The following GRIK4 variants were observed in gnomAD, a reference collection of about 807,000 sequenced individuals.
The protein encoded by GRIK4 is glutamate ionotropic receptor kainate type subunit 4.
GRIK4 carries 40 observed loss-of-function variants against 104.9 expected under a neutral mutation model. The ratio of observed to expected loss-of-function variants is 0.38; its 90% confidence interval spans 0.30 to 0.50. The LOEUF is 0.50. GRIK4 is among the 20% of genes least tolerant of loss of function. The pLI is 0.93. For missense variants in GRIK4, 1,047 were observed against 1,308.1 expected (o/e 0.80, Z 3.08); for synonymous variants, 485 against 524.9 (o/e 0.92, Z 1.04).
At chr11:120,857,521 CA>C in intron 8 of GRIK4, among the ~76,000 whole-genome samples, 1 of 152,072 alleles carries the variant, frequency 6.6e-6, no homozygotes, top group African/African-American at 2.4e-5. Context: ...CACACACACA[CA>C]CACACACACT....
At chr11:120,908,863 C>T (rs1942930916) in intron 13 of GRIK4, among the ~76,000 whole-genome samples, 2 of 152,232 alleles carry the variant, frequency 1.3e-5, no homozygotes, top group African/African-American at 4.8e-5. Flanking sequence ...GAAGTTGGTT[C>T]CCAAGACACT....
chr11:120,520,955 A>G (rs1296319111), intron 1 of GRIK4, among the ~76,000 whole-genome samples: 2 of 152,208 alleles, frequency 1.3e-5, no homozygotes, highest in Non-Finnish European at 2.9e-5. Context: ...GAATTAAAGA[A>G]GACAAAAGTG....
chr11:120,940,808 C>T lies in GRIK4; in HGVS notation c.1590+348C>T, dbSNP rs965698647. ...AAGTCACCCTAGCATTTCTCAAGCACGTTGCCAACTTCCAAGTCTGTGTTC... is the reference window on the plus strand; with the variant it reads ...AAGTCACCCTAGCATTTCTCAAGCATGTTGCCAACTTCCAAGTCTGTGTTC... On this transcript the variant is annotated intron_variant, in intron 14 of 20. Coordinates refer to ENST00000527524, the MANE Select transcript of GRIK4 (RefSeq NM_014619.5). The surrounding 1 kb of genome is among the most constrained non-coding windows in gnomAD (Gnocchi z 4.3). Among the ~76,000 whole-genome samples, 3 of 152,204 alleles carry T rather than the reference C, an allele frequency of 2.0e-5. No individual in the cohort carries two copies. The highest frequency in any genetic ancestry group is 7.2e-5 in the African/African-American group (3 of 41,460).
chr11:120,550,236 AGGTTGCTGCTGCCGCAGGGCT>A (rs1222137038), intron 1 of GRIK4, among the ~76,000 whole-genome samples: 5 of 150,562 alleles, frequency 3.3e-5, no homozygotes, highest in Non-Finnish European at 7.4e-5. Flanking sequence ...TTGGCATCCC[AGGTTGCTGCTGCCGCAGGGCT>A]GAAAGGAAGA....
intron 1 of GRIK4, among the ~76,000 whole-genome samples, chr11:120,571,095 T>C (rs1167078410): frequency 6.6e-6 from 1 of 152,234 alleles, no homozygotes; most frequent in Non-Finnish European, 1.5e-5. Context: ...ATGTCTGGAC[T>C]GCTTGCCTTG....
At chr11:120,861,430 C>A (rs528039141) in intron 8 of GRIK4, among the ~76,000 whole-genome samples, 1 of 152,008 alleles carries the variant, frequency 6.6e-6, no homozygotes, top group Non-Finnish European at 1.5e-5. Context: ...AAAAAGGAAC[C>A]TGGATGATGC....
chr11:120,832,711 C>T (rs1178437747), intron 7 of GRIK4, among the ~76,000 whole-genome samples: 1 of 152,200 alleles, frequency 6.6e-6, no homozygotes, highest in Non-Finnish European at 1.5e-5. Flanking sequence ...GTGCCAGCCC[C>T]TGAGTCAGAA....
intron 11 of GRIK4, among the ~76,000 whole-genome samples, chr11:120,891,151 G>C (rs772415340): frequency 6.6e-6 from 1 of 152,210 alleles, no homozygotes; most frequent in East Asian, 1.9e-4. Flanking sequence ...CCCCCTCAGC[G>C]GCAGGGCGTG....
intron 3 of GRIK4, among the ~76,000 whole-genome samples, chr11:120,714,388 G>A (rs61901398): frequency 0.084 from 12,812 of 152,198 alleles, 563 homozygotes; most frequent in Non-Finnish European, 0.1. Context: ...TAATCCACTC[G>A]CGCTATTTAT....
chr11:120,721,687 T>A (rs888859380), intron 3 of GRIK4, among the ~76,000 whole-genome samples: 1 of 152,092 alleles, frequency 6.6e-6, no homozygotes, highest in African/African-American at 2.4e-5. Context: ...AGGTGGCTGG[T>A]GGTCCAGAGT....
intron 1 of GRIK4, among the ~76,000 whole-genome samples, chr11:120,652,785 AATG>A (rs1949638638): frequency 6.6e-6 from 1 of 152,080 alleles, no homozygotes; most frequent in South Asian, 2.1e-4. Context: ...AATCACAATT[AATG>A]ATGTAGTAGC....
intron 3 of GRIK4, among the ~76,000 whole-genome samples, chr11:120,726,861 C>T (rs1372273171): frequency 6.6e-6 from 1 of 152,048 alleles, no homozygotes; most frequent in African/African-American, 2.4e-5. Flanking sequence ...CCACATAAGA[C>T]AGATGAAACA....
At chr11:120,695,368 C>T (rs1657418902) in intron 3 of GRIK4, among the ~76,000 whole-genome samples, 1 of 152,228 alleles carries the variant, frequency 6.6e-6, no homozygotes, top group African/African-American at 2.4e-5. Flanking sequence ...GCTGCCATGT[C>T]CTACCGTGAA....
chr11:120,924,170 C>A (rs909737443), intron 13 of GRIK4, among the ~76,000 whole-genome samples: 5 of 152,182 alleles, frequency 3.3e-5, no homozygotes, highest in African/African-American at 1.2e-4. Flanking sequence ...GAATGAAAAT[C>A]CATGAAAACA....
At chr11:120,694,451 C>T (rs1267786280) in intron 3 of GRIK4, among the ~76,000 whole-genome samples, 1 of 152,120 alleles carries the variant, frequency 6.6e-6, no homozygotes, top group East Asian at 1.9e-4. Flanking sequence ...CACACAGAAT[C>T]CCAACAGCAA....
intron 1 of GRIK4, among the ~76,000 whole-genome samples, chr11:120,519,277 G>A (rs79103127): frequency 0.011 from 1,676 of 152,292 alleles, 45 homozygotes; most frequent in East Asian, 0.063. Context: ...ACTGAATGTT[G>A]GTGTTCCCCC....
chr11:120,654,351 TTTATTATTATTATCA>T lies in GRIK4; in HGVS notation c.-51+572_-51+586del, dbSNP rs578119499. 1.8e-4 allele frequency among the ~76,000 whole-genome samples: 27 copies of T among 152,214 alleles called. No individual in the cohort carries two copies. In the East Asian group the frequency reaches 4.8e-3, roughly 27 times the overall value. On this transcript the variant is annotated intron_variant, in intron 2 of 20. Coordinates refer to ENST00000527524, the MANE Select transcript of GRIK4 (RefSeq NM_014619.5). ...AGTGCGTGGCCATGAAGAGTTAGTA[TTTATTATTATTATCA>T]TTATTATTATTAGTTGAGACAGTAT... is the stretch of plus-strand genomic sequence containing the variant.
At chr11:120,541,383 C>T (rs1156615656) in intron 1 of GRIK4, among the ~76,000 whole-genome samples, 2 of 152,184 alleles carry the variant, frequency 1.3e-5, no homozygotes, top group Non-Finnish European at 2.9e-5. Flanking sequence ...CAGGAGCTGT[C>T]CTATCTATTT....
At chr11:120,580,440 T>A (rs962098929) in intron 1 of GRIK4, among the ~76,000 whole-genome samples, 3 of 151,972 alleles carry the variant, frequency 2.0e-5, no homozygotes, top group Non-Finnish European at 4.4e-5. Flanking sequence ...CATGCCTAGC[T>A]AATTTCTGTA....
Sources: allele counts gnomAD v4.1 joint callset (sites outside exome capture counted in the v4.1 genomes callset), GRCh38; gene constraint gnomAD v4.1.1; non-coding constraint Gnocchi (gnomAD v3.1); transcripts MANE v1.5; gene names NCBI Gene and HGNC (gene_info 2026-07-23, HGNC 2026-07-21).